The following ARHGAP30 variants were observed in gnomAD, a reference collection of about 807,000 sequenced individuals.
ARHGAP30 encodes rho GTPase-activating protein 30.
In ARHGAP30, 23 loss-of-function variants were observed where a neutral mutation model predicts 72.0. The observed-to-expected ratio is 0.32, with a 90% CI of 0.23 to 0.45. The LOEUF is 0.45. ARHGAP30 is among the 20% of genes least tolerant of loss of function. The probability of loss-of-function intolerance (pLI) is 1.00; values close to 1 mark genes in which losing one functional copy is unlikely to be tolerated. For synonymous variants in ARHGAP30, 576 were observed against 528.2 expected (o/e 1.09, Z -1.24); for missense variants, 1,319 against 1,383.4 (o/e 0.95, Z 0.74).
intron 9 of ARHGAP30, 86 bp downstream of exon 9, chr1:161,052,200 G>T: frequency 6.9e-7 from 1 of 1,449,556 alleles, no homozygotes. Flanking sequence ...TGAAATTATT[G>T]AACACAGTTG....
At position 161,047,778 on chromosome 1, in the gene ARHGAP30, G is replaced by A. The variant is rs1464183401; in HGVS notation, c.3243C>T (p.Ser1081=). The part of the protein sequence containing the change: ...REPQVPDPLL[S]SQRRSYAFET... ...CAAATGCATATGACCTGCGCTGAGA[G>A]GACAACAGGGGGTCAGGAACCTGGG... The change falls in exon 12 of 12, where the codon TCC becomes TCT. Residue 1081 remains serine (S), a synonymous_variant. Transcript: ENST00000368013. 6.3e-7 allele frequency: 1 copy of A among 1,584,972 alleles called. No homozygotes were observed. Among genetic ancestry groups the A allele is most frequent in the Non-Finnish European group, 8.6e-7 (1 of 1,168,460 alleles).
Position 161,048,186 on chromosome 1 carries a change from C to T in ARHGAP30, c.2835G>A (p.Gln945=), listed in dbSNP as rs1490494899. 4 of 1,614,226 alleles carry T rather than the reference C, an allele frequency of 2.5e-6. No homozygotes were observed. Among genetic ancestry groups the T allele is most frequent in the Non-Finnish European group, 3.4e-6 (4 of 1,180,042 alleles). Residue 945 remains glutamine (Q), a synonymous_variant, in exon 12 of 12, where the codon CAG becomes CAA. Coordinates refer to ENST00000368013, the MANE Select transcript of ARHGAP30 (RefSeq NM_001025598.2). The part of the protein sequence containing the change: ...RSVPVVPPKP[Q]FAKMPSAMCS... ...ACATTGCACTGGGCATCTTGGCAAA[C>T]TGTGGCTTGGGGGGCACCACAGGCA... is the stretch of plus-strand genomic sequence containing the variant.
At chr1:161,060,413 T>C (rs1652230581) in intron 1 of ARHGAP30, among the ~76,000 whole-genome samples, 1 of 151,946 alleles carries the variant, frequency 6.6e-6, no homozygotes, top group African/African-American at 2.4e-5. Flanking sequence ...CTGACCAACA[T>C]GGTGAAACCC....
intron 9 of ARHGAP30, 64 bp downstream of exon 9, chr1:161,052,222 A>G (rs1651455304): frequency 6.4e-7 from 1 of 1,574,314 alleles, no homozygotes; most frequent in African/African-American, 1.3e-5. Flanking sequence ...CTGCATGTAC[A>G]CACAAGCCCA....
Position 161,052,338 on chromosome 1 carries a change from C to G in ARHGAP30, c.966G>C (p.Leu322=). Residue 322 remains leucine (L), a synonymous_variant, in exon 9 of 12, where the codon CTG becomes CTC. Transcript: ENST00000368013. ...GTGAGTCCATGCTTTTGGCTGGCCG[C>G]AGTGTCCCCTTGTTGGATTTATCCT... ...DREDKSNKGT[L]RPAKSMDSLS... 1.2e-6 allele frequency: 2 copies of G among 1,614,038 alleles called. No homozygotes were observed. Among genetic ancestry groups the G allele is most frequent in the Non-Finnish European group, 1.7e-6 (2 of 1,180,034 alleles).
intron 10 of ARHGAP30, among the ~76,000 whole-genome samples, chr1:161,050,128 G>A (rs1651242072): frequency 6.6e-6 from 1 of 152,078 alleles, no homozygotes. Context: ...AGGAACTGGA[G>A]TCAGAGCAAG....
At chr1:161,058,765 G>A (rs1444198022) in intron 2 of ARHGAP30, among the ~76,000 whole-genome samples, 2 of 150,536 alleles carry the variant, frequency 1.3e-5, no homozygotes, top group Non-Finnish European at 2.9e-5. Flanking sequence ...GGAGGCCGAG[G>A]CAGGAGAATC....
chr1:161,052,239 TCACATAGCACACA>T, intron 9 of ARHGAP30, 34 bp downstream of exon 9: 3 of 1,602,594 alleles, frequency 1.9e-6, no homozygotes, highest in Non-Finnish European at 2.6e-6. Flanking sequence ...CCCACGCTGG[TCACATAGCACACA>T]CACATACACA....
At position 161,049,189 on chromosome 1, in the gene ARHGAP30, C is replaced by T. The variant is rs781273702; in HGVS notation, c.1832G>A (p.Ser611Asn). The T allele has an allele frequency of 7.4e-6, 12 of 1,614,168 alleles. No homozygotes were observed. In the East Asian group the frequency reaches 2.7e-4, roughly 36 times the overall value. Reference sequence around the variant, plus strand: ...AAGGGGACTTAGGTCATCATAGGCACTCAGGAAAACTTCCTCCCCATTTTC... The same window carrying T: ...AAGGGGACTTAGGTCATCATAGGCATTCAGGAAAACTTCCTCCCCATTTTC... ...EEENGEEVFL[S>N]AYDDLSPLLG... Residue 611 changes from serine (S) to asparagine (N), a missense_variant, in exon 12 of 12, where the codon AGT (serine) becomes AAT (asparagine). Physicochemically the swap from Ser to Asn is conservative, Grantham distance 46. This residue lies in a region of ARHGAP30 where 1,097 missense variants were observed against 1,045.2 expected (regional missense o/e 1.05). Transcript: ENST00000368013.
In ARHGAP30 at chr1:161,052,744, T is replaced by A. The variant is rs1365823614; in HGVS notation, c.718A>T (p.Ser240Cys). ...GGCCTGGGCATAAGGTCCTCGGGGC[T>A]GCCTGATGCCCGGGTCCCTGGAAGC... ...RSLPGTRASGSPEDLMPRPLP... is the reference protein window; with the variant it reads ...RSLPGTRASGCPEDLMPRPLP... The change falls in exon 7 of 12, where the codon AGC (serine) becomes TGC (cysteine). Residue 240 changes from serine (S) to cysteine (C), a missense_variant. This residue lies in a region of ARHGAP30 where 222 missense variants were observed against 338.2 expected (regional missense o/e 0.66). Transcript: ENST00000368013. 3 of 1,611,940 alleles carry A rather than the reference T, an allele frequency of 1.9e-6. No homozygotes were observed. Among genetic ancestry groups the A allele is most frequent in the East Asian group, 2.2e-5 (1 of 44,890 alleles).
chr1:161,062,320 C>T (rs12092166), intron 1 of ARHGAP30, among the ~76,000 whole-genome samples: 1,616 of 152,286 alleles, frequency 0.011, 27 homozygotes, highest in African/African-American at 0.036. Context: ...TCAGCCACAG[C>T]TCCAGACAAT....
At chr1:161,064,872 GGAAGGAGAGAA>G (rs1246723319) in intron 1 of ARHGAP30, among the ~76,000 whole-genome samples, 1 of 148,246 alleles carries the variant, frequency 6.7e-6, no homozygotes, top group South Asian at 2.2e-4. Context: ...AGGAAGGAGA[GGAAGGAGAGAA>G]AAGAGAGAGG....
intron 1 of ARHGAP30, among the ~76,000 whole-genome samples, chr1:161,061,570 T>A (rs778491853): frequency 6.6e-6 from 1 of 152,156 alleles, no homozygotes; most frequent in Non-Finnish European, 1.5e-5. Context: ...GATATTCTAG[T>A]ACCCATTTTA....
intron 1 of ARHGAP30, among the ~76,000 whole-genome samples, chr1:161,067,760 C>T (rs534690638): frequency 3.9e-5 from 6 of 152,180 alleles, no homozygotes; most frequent in South Asian, 4.2e-4. Flanking sequence ...ATAAATTAAG[C>T]GAAAACAAAG....
rs756831786 is a variant in ARHGAP30 at position 161,051,439 on chromosome 1, G to A, written c.1295C>T (p.Pro432Leu). The A allele has an allele frequency of 2.2e-5, 36 of 1,614,124 alleles. No individual in the cohort carries two copies. The highest frequency in any genetic ancestry group is 1.6e-4 in the South Asian group (15 of 91,088). ...CAAGGAAACGTTAGAGATGATGTTC[G>A]GGGGCACACTGAGGATAGAGGTGAT... is the stretch of plus-strand genomic sequence containing the variant. ...LHITSILSVPPNIISNVSLAR... is the reference protein window; with the variant it reads ...LHITSILSVPLNIISNVSLAR... Residue 432 changes from proline to leucine, a missense_variant, in exon 10 of 12, where the codon CCG (proline) becomes CTG (leucine). Around this residue, in one of 2 missense-constraint regions of ARHGAP30, gnomAD observed 1,097 missense variants for 1,045.2 expected, o/e 1.05. Transcript: ENST00000368013.
At chr1:161,054,581 G>A (rs1651691231) in intron 4 of ARHGAP30, 42 bp downstream of exon 4, 1 of 1,608,592 alleles carries the variant, frequency 6.2e-7, no homozygotes, top group East Asian at 2.2e-5. Context: ...GCGAGTGAAT[G>A]AGTTGTCTCA....
chr1:161,065,258 G>A (rs1359172390), intron 1 of ARHGAP30, among the ~76,000 whole-genome samples: 1 of 152,146 alleles, frequency 6.6e-6, no homozygotes, highest in Non-Finnish European at 1.5e-5. Flanking sequence ...TTACAGGCGT[G>A]AGCCACTGGG....
chr1:161,064,759 GAGAAAGAAAGAAAGAAAGAAAA>G (rs1476904413), intron 1 of ARHGAP30, among the ~76,000 whole-genome samples: 254 of 118,364 alleles, frequency 2.1e-3, no homozygotes, highest in Middle Eastern at 4.9e-3. Context: ...AAGAAAGAAA[GAGAAAGAAAGAAAGAAAGAAAA>G]AGAAAGAAAG....
At position 161,048,098 on chromosome 1, in the gene ARHGAP30, G is replaced by T; in HGVS notation, c.2923C>A (p.Pro975Thr). The T allele has an allele frequency of 1.2e-6, 2 of 1,614,160 alleles. No individual in the cohort carries two copies. The highest frequency in any genetic ancestry group is 1.7e-6 in the Non-Finnish European group (2 of 1,180,014). ...CGGGACCCCCAAGCCCTTTCTCCAG[G>T]AGTCCCATCAAGCCGGCCAGGCCTC... The part of the protein sequence containing the change: ...CPRPGRLDGT[P>T]GERAWGSRAS... The change falls in exon 12 of 12, where the codon CCT becomes ACT. Residue 975 changes from proline to threonine, a missense_variant. Physicochemically the swap from Pro to Thr is conservative, Grantham distance 38. Transcript: ENST00000368013.
Sources: allele counts gnomAD v4.1 joint callset (sites outside exome capture counted in the v4.1 genomes callset), GRCh38; gene constraint gnomAD v4.1.1; regional missense constraint gnomAD v4.1.1; transcripts MANE v1.5; gene names NCBI Gene and HGNC (gene_info 2026-07-23, HGNC 2026-07-21).